Variants in CTDSPL observed in about 807,000 individuals in gnomAD.
CTDSPL encodes the protein CTD small phosphatase-like protein.
In CTDSPL, 8 loss-of-function variants were observed where a neutral mutation model predicts 30.5. The ratio of observed to expected loss-of-function variants is 0.26; its 90% CI spans 0.15 to 0.47. The LOEUF is 0.47. Among genes scored for constraint, CTDSPL ranks in the 20% least tolerant of loss-of-function variants. CTDSPL has a pLI of 0.99. For missense variants in CTDSPL, 248 were observed against 366.1 expected (o/e 0.68, Z 2.63); for synonymous variants, 110 against 137.9 (o/e 0.80, Z 1.42).
intron 1 of CTDSPL, among the ~76,000 whole-genome samples, chr3:37,896,567 T>C (rs1698392659): frequency 6.6e-6 from 1 of 152,188 alleles, no homozygotes; most frequent in Non-Finnish European, 1.5e-5. Flanking sequence ...GACAGAGTCT[T>C]GCTTTGTTGC....
Position 37,862,356 on chromosome 3 carries a change from G to A in CTDSPL, c.79+78G>A. ...CGCTGGAGTTCACTGCCGGGCGCCG[G>A]CATGGGCCTGGGGGAGGGGTGCACA... On this transcript the variant is annotated intron_variant, in intron 1 of 7. Transcript: ENST00000273179. The surrounding 1 kb of genome is among the most constrained non-coding windows in gnomAD (Gnocchi z 4.3). 2.4e-6 allele frequency: 3 copies of A among 1,274,880 alleles called. No individual in the cohort carries two copies. Among genetic ancestry groups the A allele is most frequent in the Non-Finnish European group, 2.0e-6 (2 of 984,680 alleles). The allele number at this position is 1,274,880 out of a possible 1,614,324, so 79.0% of individuals were successfully genotyped here. A position where few individuals can be genotyped will look rare whatever the true frequency, so the allele number is the denominator to read the frequency against.
chr3:37,866,291 A>G (rs972048606), intron 1 of CTDSPL, among the ~76,000 whole-genome samples: 6 of 152,168 alleles, frequency 3.9e-5, no homozygotes, highest in African/African-American at 1.4e-4. Flanking sequence ...TTTGAAGAAC[A>G]GTATAAACAG....
At chr3:37,915,305 T>C (rs1575296238) in intron 1 of CTDSPL, among the ~76,000 whole-genome samples, 1 of 152,312 alleles carries the variant, frequency 6.6e-6, no homozygotes, top group Non-Finnish European at 1.5e-5. Flanking sequence ...TTTTTATTTA[T>C]CTATTTGGGG....
In CTDSPL at chr3:37,861,925, T is replaced by A. The variant is rs1306115147; in HGVS notation, c.-275T>A. Reference sequence around the variant, plus strand: ...CTCCCGCTTCCAGCGGCGCCGGGCCTCCCGCTCCGCCTCCCCGTGCGCGGC... The same window carrying A: ...CTCCCGCTTCCAGCGGCGCCGGGCCACCCGCTCCGCCTCCCCGTGCGCGGC... On this transcript the variant is annotated 5_prime_UTR_variant, in exon 1 of 8. Transcript: ENST00000273179. 1.5e-5 allele frequency: 2 copies of A among 129,426 alleles called. No homozygotes were observed. Among genetic ancestry groups the A allele is most frequent in the Non-Finnish European group, 3.3e-5 (2 of 60,866 alleles). 8.0% of individuals were successfully genotyped at this position (129,426 alleles called of 1,614,324 possible). A position where few individuals can be genotyped will look rare whatever the true frequency, so the allele number is the denominator to read the frequency against.
chr3:37,974,008 C>T (rs1217945859), intron 6 of CTDSPL, among the ~76,000 whole-genome samples: 2 of 152,218 alleles, frequency 1.3e-5, no homozygotes, highest in African/African-American at 4.8e-5. Context: ...TTAGACGTGG[C>T]CCAACACAAA....
chr3:37,908,969 G>A (rs1304998181), intron 1 of CTDSPL, among the ~76,000 whole-genome samples: 2 of 152,080 alleles, frequency 1.3e-5, no homozygotes, highest in Non-Finnish European at 2.9e-5. Flanking sequence ...ACTCAATATC[G>A]ATATTTAGTC....
Position 37,938,679 on chromosome 3 carries a change from GT to G in CTDSPL, c.80-8368del, listed in dbSNP as rs11427503. 2.1e-4 allele frequency among the ~76,000 whole-genome samples: 30 copies of G among 143,562 alleles called. 2 individuals carry two copies. The highest frequency in any genetic ancestry group is 1.4e-3 in the South Asian group (6 of 4,350). 94.2% of individuals were successfully genotyped at this position (143,562 alleles called of 152,430 possible). A position where few individuals can be genotyped will look rare whatever the true frequency, so the allele number is the denominator to read the frequency against. On this transcript the variant is annotated intron_variant, in intron 1 of 7. Transcript: ENST00000273179. The stretch of plus-strand genomic sequence containing the variant: ...TTTCATGTTTTTTGTTTTTTTGTGG[GT>G]TTTTTTTTTGTTTTTTTTGAAATGG...
chr3:37,941,871 C>A (rs1016287443), intron 1 of CTDSPL, among the ~76,000 whole-genome samples: 1 of 150,302 alleles, frequency 6.7e-6, no homozygotes, highest in Non-Finnish European at 1.5e-5. Context: ...CTCCTCAATG[C>A]TCCTTTCTGA....
chr3:37,977,674 G>A (rs1350536494), intron 7 of CTDSPL, among the ~76,000 whole-genome samples: 2 of 151,180 alleles, frequency 1.3e-5, no homozygotes, highest in Non-Finnish European at 2.9e-5. Context: ...GATCACTTGA[G>A]CCCAAGAGTT....
chr3:37,973,537 C>A (rs571824871), intron 6 of CTDSPL, among the ~76,000 whole-genome samples: 2 of 152,354 alleles, frequency 1.3e-5, no homozygotes, highest in East Asian at 1.9e-4. Context: ...CACCCTCTTT[C>A]CTCGCTGAGG....
At chr3:37,965,544 C>T (rs1279009655) in intron 4 of CTDSPL, among the ~76,000 whole-genome samples, 2 of 152,148 alleles carry the variant, frequency 1.3e-5, no homozygotes, top group Non-Finnish European at 2.9e-5. Flanking sequence ...TGGGACTGCT[C>T]TATCATTGTA....
intron 5 of CTDSPL, among the ~76,000 whole-genome samples, chr3:37,970,874 C>T (rs1699358975): frequency 6.6e-6 from 1 of 152,240 alleles, no homozygotes. Flanking sequence ...AAGGAAGCCC[C>T]TTCTTGCAGC....
chr3:37,942,670 C>CCAAAAGACAGTTTAACAAGACTGT (rs1698991609), intron 1 of CTDSPL, among the ~76,000 whole-genome samples: 1 of 150,110 alleles, frequency 6.7e-6, no homozygotes, highest in Non-Finnish European at 1.5e-5. Context: ...TTATGGAGTG[C>CCAAAAGACAGTTTAACAAGACTGT]TTGCTCTATG....
At chr3:37,871,612 G>C (rs116064108) in intron 1 of CTDSPL, among the ~76,000 whole-genome samples, 1,600 of 152,252 alleles carry the variant, frequency 0.011, 34 homozygotes, top group South Asian at 0.078. Flanking sequence ...ATTTCTTTTA[G>C]CTTATTCTGT....
At chr3:37,950,368 G>C (rs148765218) in intron 2 of CTDSPL, among the ~76,000 whole-genome samples, 337 of 152,140 alleles carry the variant, frequency 2.2e-3, no homozygotes, top group African/African-American at 7.4e-3. Context: ...CTCCCACTGA[G>C]GTAAAACTAA....
intron 1 of CTDSPL, among the ~76,000 whole-genome samples, chr3:37,893,810 C>T (rs1698359287): frequency 6.6e-6 from 1 of 152,154 alleles, no homozygotes; most frequent in Non-Finnish European, 1.5e-5. Context: ...AAAGTAACTT[C>T]TTGCACACTA....
rs1442274769 is a variant in CTDSPL at position 37,975,757 on chromosome 3, G to A, written c.568G>A (p.Ala190Thr). The A allele has an allele frequency of 1.9e-6, 3 of 1,613,978 alleles. No homozygotes were observed. Among genetic ancestry groups the A allele is most frequent in the Non-Finnish European group, 2.5e-6 (3 of 1,180,036 alleles). ...CCTAGACCGCTGGGGTGTGTTCCGG[G>A]CCCGGCTCTTCAGAGAATCATGTGT... ...DLLDRWGVFR[A>T]RLFRESCVFH... Residue 190 changes from alanine to threonine, a missense_variant, in exon 7 of 8, where the codon GCC becomes ACC. Ala to Thr is a moderately conservative substitution (Grantham distance 58). Transcript: ENST00000273179. The surrounding 1 kb of genome is among the most constrained non-coding windows in gnomAD (Gnocchi z 4.9).
At chr3:37,889,480 A>G (rs1698300305) in intron 1 of CTDSPL, among the ~76,000 whole-genome samples, 1 of 152,208 alleles carries the variant, frequency 6.6e-6, no homozygotes, top group South Asian at 2.1e-4. Flanking sequence ...GAGACAGAAA[A>G]TAGGGGAGAA....
In CTDSPL at chr3:37,983,918, A is replaced by G. The variant is rs938744199; in HGVS notation, c.*3051A>G. On this transcript the variant is annotated 3_prime_UTR_variant, in exon 8 of 8. Transcript: ENST00000273179. ...TCTCTGGGGACACGAGGATGCCCTA[A>G]TGATGCTGACTTGTCATGGTTGCAG... 5.8e-5 allele frequency: 12 copies of G among 208,536 alleles called. No homozygotes were observed. The highest frequency in any genetic ancestry group is 3.0e-4 in the Admixed American group (6 of 20,308). The allele number at this position is 208,536 out of a possible 1,614,324, so 12.9% of individuals were successfully genotyped here.
Sources: allele counts gnomAD v4.1 joint callset (sites outside exome capture counted in the v4.1 genomes callset), GRCh38; gene constraint gnomAD v4.1.1; non-coding constraint Gnocchi (gnomAD v3.1); transcripts MANE v1.5; gene names NCBI Gene and HGNC (gene_info 2026-07-23, HGNC 2026-07-21).